Variants in NCKAP5 observed in about 807,000 individuals in gnomAD.
NCKAP5 encodes nck-associated protein 5.
NCKAP5 carries 92 observed loss-of-function variants against 167.0 expected under a neutral mutation model. The observed-to-expected ratio is 0.55, with a 90% CI of 0.47 to 0.66. The LOEUF (loss-of-function observed/expected upper bound fraction) is 0.66, where lower values mean the gene tolerates loss of function less well. NCKAP5 is among the 30% of genes least tolerant of loss of function. NCKAP5 has a pLI of 0.00. For synonymous variants in NCKAP5, 891 were observed against 877.4 expected (o/e 1.02, Z -0.27); for missense variants, 2,378 against 2,315.0 (o/e 1.03, Z -0.56).
intron 3 of NCKAP5, among the ~76,000 whole-genome samples, chr2:133,383,934 T>C (rs1477767686): frequency 6.6e-6 from 1 of 152,184 alleles, no homozygotes. Context: ...TAAATTTGAG[T>C]TCTTTGTAGA....
At chr2:133,401,069 G>A (rs1033356101) in intron 3 of NCKAP5, among the ~76,000 whole-genome samples, 1 of 152,184 alleles carries the variant, frequency 6.6e-6, no homozygotes, top group Non-Finnish European at 1.5e-5. Flanking sequence ...AAATTAGAGG[G>A]TTGGGAGGTG....
At chr2:133,516,938 G>A (rs1213177379) in intron 3 of NCKAP5, among the ~76,000 whole-genome samples, 15 of 152,252 alleles carry the variant, frequency 9.9e-5, no homozygotes, top group African/African-American at 2.4e-4. Context: ...TTTTCACACC[G>A]GATAGCAAAC....
At chr2:132,808,176 T>G in intron 11 of NCKAP5, among the ~76,000 whole-genome samples, 1 of 152,170 alleles carries the variant, frequency 6.6e-6, no homozygotes, top group Middle Eastern at 3.2e-3. Context: ...TGTTAAAAAT[T>G]TTAGCATATC....
chr2:132,959,423 C>T (rs1015032185), intron 8 of NCKAP5, among the ~76,000 whole-genome samples: 1 of 152,080 alleles, frequency 6.6e-6, no homozygotes. Context: ...CAGGTGGTGG[C>T]GGGCCTGTTC....
At chr2:133,188,117 G>T (rs937359469) in intron 5 of NCKAP5, among the ~76,000 whole-genome samples, 2 of 152,066 alleles carry the variant, frequency 1.3e-5, no homozygotes, top group African/African-American at 4.8e-5. Flanking sequence ...GGTACTGGTT[G>T]TTCCTTTCCA....
At chr2:132,736,506 C>G (rs1160562506) in intron 16 of NCKAP5, among the ~76,000 whole-genome samples, 1 of 151,990 alleles carries the variant, frequency 6.6e-6, no homozygotes, top group Non-Finnish European at 1.5e-5. Context: ...CACAGCTGGG[C>G]GCGGTGGCTC....
chr2:132,853,456 G>A (rs6733704), intron 11 of NCKAP5, among the ~76,000 whole-genome samples: 24,567 of 152,128 alleles, frequency 0.16, 2,429 homozygotes, highest in East Asian at 0.3. Context: ...GTGAGAGGAT[G>A]GTTTATGTAA....
intron 19 of NCKAP5, among the ~76,000 whole-genome samples, chr2:132,699,707 AT>A (rs1687699534): frequency 6.6e-6 from 1 of 152,040 alleles, no homozygotes. Flanking sequence ...TATGTGCCAC[AT>A]TTTCTTAATC....
intron 3 of NCKAP5, among the ~76,000 whole-genome samples, chr2:133,306,418 G>A (rs925744697): frequency 2.0e-4 from 31 of 152,174 alleles, no homozygotes; most frequent in Non-Finnish European, 7.3e-5. Context: ...GGGTGTGACG[G>A]TGAAAATTAT....
chr2:133,021,678 C>A (rs570140204), intron 6 of NCKAP5, among the ~76,000 whole-genome samples: 1 of 152,142 alleles, frequency 6.6e-6, no homozygotes, highest in African/African-American at 2.4e-5. Context: ...GTCGCCCAGG[C>A]GGGAGTGCAG....
At chr2:133,317,382 C>T (rs867188333) in intron 3 of NCKAP5, among the ~76,000 whole-genome samples, 6 of 152,068 alleles carry the variant, frequency 3.9e-5, no homozygotes, top group African/African-American at 1.4e-4. Context: ...ATGGCCACCC[C>T]CCTCCTTCCA....
At chr2:133,645,185 G>T in the NCKAP5 span, among the ~76,000 whole-genome samples, 14 of 152,140 alleles carry the variant, frequency 9.2e-5, no homozygotes, top group African/African-American at 3.4e-4. Context: ...AAAAGCAAAA[G>T]AAAATTAAAG....
intron 6 of NCKAP5, among the ~76,000 whole-genome samples, chr2:133,025,286 G>C (rs1208679342): frequency 6.6e-6 from 1 of 152,208 alleles, no homozygotes; most frequent in Non-Finnish European, 1.5e-5. Context: ...CTAAATGCTA[G>C]TTGATACATA....
intron 3 of NCKAP5, among the ~76,000 whole-genome samples, chr2:133,477,293 C>A (rs1680005733): frequency 6.6e-6 from 1 of 152,204 alleles, no homozygotes; most frequent in South Asian, 2.1e-4. Context: ...GGTTCAAGGT[C>A]AATGAACTCT....
chr2:133,081,891 T>A (rs2080821674), intron 6 of NCKAP5, among the ~76,000 whole-genome samples: 1 of 152,274 alleles, frequency 6.6e-6, no homozygotes, highest in South Asian at 2.1e-4. Flanking sequence ...TGTCACAGTT[T>A]TAACATTTTA....
intron 7 of NCKAP5, among the ~76,000 whole-genome samples, chr2:132,990,600 G>A (rs1052269890): frequency 6.6e-6 from 1 of 152,086 alleles, no homozygotes; most frequent in African/African-American, 2.4e-5. Context: ...TTATCCAGTT[G>A]GGCTCCATAT....
chr2:133,369,897 T>C (rs1685691555), intron 3 of NCKAP5, among the ~76,000 whole-genome samples: 1 of 152,252 alleles, frequency 6.6e-6, no homozygotes, highest in Non-Finnish European at 1.5e-5. Context: ...TAAGAAATGA[T>C]TTATCTTCAT....
chr2:133,312,383 T>TA (rs1382643721), intron 3 of NCKAP5, among the ~76,000 whole-genome samples: 10 of 152,024 alleles, frequency 6.6e-5, no homozygotes, highest in South Asian at 2.1e-4. Flanking sequence ...TTTCCCCTTT[T>TA]AAAAAAAATC....
At chr2:133,390,503 C>T (rs1391348150) in intron 3 of NCKAP5, among the ~76,000 whole-genome samples, 1 of 152,160 alleles carries the variant, frequency 6.6e-6, no homozygotes, top group Non-Finnish European at 1.5e-5. Context: ...AAGATCTTTG[C>T]CTGGTTTCTT....
Sources: gnomAD v4.1 joint callset for allele counts (sites outside exome capture counted in the v4.1 genomes callset) on GRCh38, gnomAD v4.1.1 for gene constraint, MANE v1.5 for transcripts, NCBI Gene and HGNC (gene_info 2026-07-23, HGNC 2026-07-21) for gene names.